The following KDM7A variants were observed in gnomAD, a reference collection of about 807,000 sequenced individuals.
The protein encoded by KDM7A is lysine-specific demethylase 7A.
Under a neutral mutation model 114.8 loss-of-function variants are expected in KDM7A, and 28 were observed. The ratio of observed to expected loss-of-function variants is 0.24; its 90% CI spans 0.18 to 0.33. KDM7A has a LOEUF of 0.33. Among genes scored for constraint, KDM7A ranks in the 10% least tolerant of loss-of-function variants. The probability of loss-of-function intolerance (pLI) is 1.00; values close to 1 mark genes in which losing one functional copy is unlikely to be tolerated. For synonymous variants in KDM7A, 423 were observed against 397.8 expected (o/e 1.06, Z -0.75); for missense variants, 942 against 1,142.5 (o/e 0.82, Z 2.53).
intron 16 of KDM7A, 29 bp from the exon 17 acceptor site, chr7:140,096,792 G>A (rs112846428): frequency 1.9e-6 from 3 of 1,600,062 alleles, no homozygotes; most frequent in East Asian, 2.2e-5. Context: ...AAAAACACAA[G>A]AGTCTATTTT....
intron 7 of KDM7A, among the ~76,000 whole-genome samples, chr7:140,123,509 A>G (rs565798532): frequency 1.3e-5 from 2 of 152,344 alleles, no homozygotes; most frequent in Admixed American, 6.5e-5. Flanking sequence ...GCTTGGAACC[A>G]GAAGTACTCA....
chr7:140,103,580 T>C (rs985597123), intron 11 of KDM7A, among the ~76,000 whole-genome samples: 6 of 152,024 alleles, frequency 3.9e-5, no homozygotes, highest in Non-Finnish European at 7.4e-5. Context: ...TTTGTCCTTG[T>C]GATAGTTTGC....
chr7:140,162,600 T>TAATAC (rs201371002), intron 1 of KDM7A, among the ~76,000 whole-genome samples: 1 of 151,922 alleles, frequency 6.6e-6, no homozygotes, highest in Non-Finnish European at 1.5e-5. Context: ...TAAATTTGTA[T>TAATAC]ATTTAAGCTC....
chr7:140,087,914 T>C lies in KDM7A; in HGVS notation c.*3180A>G, dbSNP rs1045856536. On this transcript the variant is annotated 3_prime_UTR_variant, in exon 20 of 20. Transcript: ENST00000397560. ...TTAGAAGTGAAAATAATACTGCTAA[T>C]TTCCTGGAGAAGATACCTTCAAGGG... 6.6e-6 allele frequency: 1 copy of C among 152,322 alleles called. No homozygotes were observed. The highest frequency in any genetic ancestry group is 1.5e-5 in the Non-Finnish European group (1 of 68,028). The allele number at this position is 152,322 out of a possible 1,614,324, so 9.4% of individuals were successfully genotyped here. A position where few individuals can be genotyped will look rare whatever the true frequency, so the allele number is the denominator to read the frequency against.
intron 1 of KDM7A, among the ~76,000 whole-genome samples, chr7:140,157,143 A>G (rs962341612): frequency 6.6e-6 from 1 of 152,252 alleles, no homozygotes; most frequent in Non-Finnish European, 1.5e-5. Context: ...GAGGAAATCC[A>G]CAATTGAGCT....
At position 140,091,912 on chromosome 7, in the gene KDM7A, T is replaced by A; in HGVS notation, c.2623A>T (p.Ser875Cys). The A allele has an allele frequency of 4.3e-6, 7 of 1,614,100 alleles. No homozygotes were observed. The highest frequency in any genetic ancestry group is 5.9e-6 in the Non-Finnish European group (7 of 1,180,020). Residue 875 changes from serine to cysteine, a missense_variant, in exon 19 of 20, where the codon AGT (serine) becomes TGT (cysteine). Coordinates refer to ENST00000397560, the MANE Select transcript of KDM7A (RefSeq NM_030647.2). ...CCAACTGGCCTTTCTGGGCTTAGAC[T>A]GCCATTACTTATCTGGCACGCCCCC... The part of the protein sequence containing the change: ...TSGACQISNG[S>C]LSPERPVGET...
rs1257825740 is a variant in KDM7A at position 140,099,933 on chromosome 7, GATC to G, written c.1726_1728del (p.Asp576del). ...CTTCCATTTGTCAGCAGTAATCGTA[GATC>G]ATTATCTTTCGCTCTCCATTCAGGT... On this transcript the variant is annotated inframe_deletion, in exon 13 of 20. Coordinates refer to ENST00000397560, the MANE Select transcript of KDM7A (RefSeq NM_030647.2). The G allele has an allele frequency of 1.1e-5, 18 of 1,611,346 alleles. No individual in the cohort carries two copies. Among genetic ancestry groups the G allele is most frequent in the Non-Finnish European group, 1.4e-5 (17 of 1,177,534 alleles).
chr7:140,105,725 A>G (rs1257698008), intron 11 of KDM7A, among the ~76,000 whole-genome samples: 9 of 152,200 alleles, frequency 5.9e-5, no homozygotes, highest in African/African-American at 2.2e-4. Flanking sequence ...ATCGATGTTC[A>G]TCATGGATAT....
intron 11 of KDM7A, among the ~76,000 whole-genome samples, chr7:140,110,438 T>C (rs757605091): frequency 6.6e-6 from 1 of 152,190 alleles, no homozygotes; most frequent in Non-Finnish European, 1.5e-5. Flanking sequence ...TTTGTAAATG[T>C]ATACCTCTTT....
intron 1 of KDM7A, among the ~76,000 whole-genome samples, chr7:140,151,140 T>C (rs1379119773): frequency 6.6e-6 from 1 of 152,036 alleles, no homozygotes; most frequent in Non-Finnish European, 1.5e-5. Context: ...CACAATAACC[T>C]CTGTTCTTAA....
chr7:140,102,179 G>C lies in KDM7A; in HGVS notation c.1429-19C>G, dbSNP rs772825980. On this transcript the variant is annotated intron_variant, in intron 11 of 19. Transcript: ENST00000397560. ...TTTCCTCCTTTAAGAATTAAAATCA[G>C]AGTATTTTTATAAGAAGGCTGTTAC... 1 of 1,568,008 alleles carries C rather than the reference G, an allele frequency of 6.4e-7. No homozygotes were observed. Among genetic ancestry groups the C allele is most frequent in the South Asian group, 1.1e-5 (1 of 90,072 alleles).
chr7:140,137,230 A>G (rs2116817994), intron 2 of KDM7A, among the ~76,000 whole-genome samples: 1 of 152,346 alleles, frequency 6.6e-6, no homozygotes, highest in East Asian at 1.9e-4. Flanking sequence ...AGCATAGGCA[A>G]GCTTCTCTCC....
At chr7:140,118,695 C>T (rs1264263404) in intron 9 of KDM7A, among the ~76,000 whole-genome samples, 5 of 150,080 alleles carry the variant, frequency 3.3e-5, no homozygotes, top group African/African-American at 4.9e-5. Context: ...AGGATTAGGG[C>T]GTGAACCACT....
chr7:140,162,537 T>C lies in KDM7A; in HGVS notation c.194+14207A>G, dbSNP rs992403808. ...TAAGATCACTGTATTTTCTCTGACA[T>C]TGATTTTTGTGTTAAGATGAATGCA... is the stretch of plus-strand genomic sequence containing the variant. On this transcript the variant is annotated intron_variant, in intron 1 of 19. Transcript: ENST00000397560. Among the ~76,000 whole-genome samples the C allele has an allele frequency of 3.7e-4, 57 of 152,298 alleles. 1 individual carries two copies. The highest frequency in any genetic ancestry group is 1.2e-3 in the African/African-American group (50 of 41,558).
chr7:140,094,701 C>T (rs1189531907), intron 17 of KDM7A: 1 of 152,740 alleles, frequency 6.5e-6, no homozygotes, highest in Non-Finnish European at 1.5e-5. Context: ...CATTCATTCT[C>T]TAGTCAAGTG....
At chr7:140,103,518 G>C (rs1230899929) in intron 11 of KDM7A, among the ~76,000 whole-genome samples, 1 of 150,034 alleles carries the variant, frequency 6.7e-6, no homozygotes, top group Non-Finnish European at 1.5e-5. Flanking sequence ...GTGTCCATGT[G>C]TTCTCATTGT....
At chr7:140,126,350 G>A (rs1271752348) in intron 6 of KDM7A, among the ~76,000 whole-genome samples, 1 of 150,698 alleles carries the variant, frequency 6.6e-6, no homozygotes, top group Non-Finnish European at 1.5e-5. Context: ...ATTAACTAGG[G>A]GAAAAAAAAT....
chr7:140,171,444 G>A (rs1794637132), intron 1 of KDM7A, among the ~76,000 whole-genome samples: 1 of 149,510 alleles, frequency 6.7e-6, no homozygotes, highest in Non-Finnish European at 1.5e-5. Flanking sequence ...ACTCTAGCCT[G>A]GAGACAGAGC....
At chr7:140,126,879 A>T in intron 5 of KDM7A, 56 bp from the exon 6 acceptor site, 1 of 1,348,570 alleles carries the variant, frequency 7.4e-7, no homozygotes. Flanking sequence ...AAAATTCTTA[A>T]GAATTGTTTT....
Sources: allele counts gnomAD v4.1 joint callset (sites outside exome capture counted in the v4.1 genomes callset), GRCh38; gene constraint gnomAD v4.1.1; transcripts MANE v1.5; gene names NCBI Gene and HGNC (gene_info 2026-07-23, HGNC 2026-07-21).